KIAA1217: variants seen among roughly 807,000 people sequenced by gnomAD.
KIAA1217 encodes sickle tail protein homolog.
In KIAA1217, 88 loss-of-function variants were observed where a neutral mutation model predicts 163.9. The ratio of observed to expected loss-of-function variants is 0.54; its 90% CI spans 0.45 to 0.64. The LOEUF (loss-of-function observed/expected upper bound fraction) is 0.64, where lower values mean the gene tolerates loss of function less well. Ranked by LOEUF, KIAA1217 falls within the 30% of genes least tolerant of loss-of-function variation. KIAA1217 has a pLI of 0.00. For synonymous variants in KIAA1217, 903 were observed against 923.1 expected, an observed-to-expected ratio of 0.98 and a Z score of 0.39; for missense variants, 2,372 against 2,475.0, an observed-to-expected ratio of 0.96 and a Z score of 0.88.
chr10:23,698,997 C>T (rs1164603249), intron 1 of KIAA1217, among the ~76,000 whole-genome samples: 6 of 152,080 alleles, frequency 3.9e-5, no homozygotes, highest in Non-Finnish European at 7.4e-5. Flanking sequence ...AAGTGCTGGG[C>T]TTACAGGCAT....
chr10:24,072,517 T>C (rs539104006), intron 2 of KIAA1217, among the ~76,000 whole-genome samples: 11 of 152,306 alleles, frequency 7.2e-5, no homozygotes, highest in African/African-American at 1.9e-4. Flanking sequence ...ATTGTTTAGA[T>C]GTTTATACCC....
At chr10:23,942,129 A>G (rs1258910078) in intron 1 of KIAA1217, among the ~76,000 whole-genome samples, 3 of 152,228 alleles carry the variant, frequency 2.0e-5, no homozygotes, top group Non-Finnish European at 4.4e-5. Flanking sequence ...ATATAGTAAC[A>G]TGGAAATTGT....
At chr10:24,391,922 T>C (rs944995449) in intron 3 of KIAA1217, among the ~76,000 whole-genome samples, 5 of 152,142 alleles carry the variant, frequency 3.3e-5, no homozygotes, top group East Asian at 1.9e-4. Flanking sequence ...ATGCGAAAAA[T>C]ACTCTAATTC....
Position 24,082,726 on chromosome 10 carries a change from A to C in KIAA1217, c.-171+75352A>C, listed in dbSNP as rs188712554. On this transcript the variant is annotated intron_variant, in intron 2 of 18. Coordinates refer to the KIAA1217 transcript ENST00000376462. ...AACATATGTGTGCATGTATCTTTAT[A>C]ATAAGATGATTTATATTTCTTTGGG... Among the ~76,000 whole-genome samples the C allele has an allele frequency of 2.8e-3, 423 of 152,354 alleles. 3 individuals are homozygous for C. Among genetic ancestry groups the C allele is most frequent in the African/African-American group, 9.9e-3 (412 of 41,570 alleles).
chr10:24,029,616 T>C (rs2131533527), intron 2 of KIAA1217, among the ~76,000 whole-genome samples: 1 of 152,250 alleles, frequency 6.6e-6, no homozygotes, highest in Admixed American at 6.5e-5. Flanking sequence ...TTCTCCCCCA[T>C]TTTAAGAAGG....
chr10:23,963,237 G>A (rs1844894744), intron 1 of KIAA1217, among the ~76,000 whole-genome samples: 1 of 152,080 alleles, frequency 6.6e-6, no homozygotes, highest in Non-Finnish European at 1.5e-5. Flanking sequence ...TCTACATTAG[G>A]TATTTCTTCT....
chr10:24,348,338 A>AAAAATAATAT (rs2048049273), intron 2 of KIAA1217, among the ~76,000 whole-genome samples: 1 of 151,154 alleles, frequency 6.6e-6, no homozygotes, highest in African/African-American at 2.4e-5. Context: ...ACCCTGTCAC[A>AAAAATAATAT]AAAATAAAAT....
chr10:24,051,716 A>G (rs540387803), intron 2 of KIAA1217, among the ~76,000 whole-genome samples: 1 of 151,890 alleles, frequency 6.6e-6, no homozygotes, highest in Admixed American at 6.6e-5. Flanking sequence ...GATGTTGAAC[A>G]TTTTTCATGC....
intron 9 of KIAA1217, among the ~76,000 whole-genome samples, chr10:24,502,802 C>A (rs1173712338): frequency 6.6e-6 from 1 of 152,066 alleles, no homozygotes; most frequent in Non-Finnish European, 1.5e-5. Flanking sequence ...ACCAGCCTGG[C>A]CAATGTGGTG....
intron 1 of KIAA1217, among the ~76,000 whole-genome samples, chr10:23,715,266 G>T (rs1191607070): frequency 2.0e-5 from 3 of 152,160 alleles, no homozygotes; most frequent in African/African-American, 4.8e-5. Flanking sequence ...TTATTTGCAT[G>T]ATTACCTTTC....
At chr10:24,018,100 T>G (rs1847569645) in intron 2 of KIAA1217, among the ~76,000 whole-genome samples, 1 of 152,062 alleles carries the variant, frequency 6.6e-6, no homozygotes, top group Admixed American at 6.6e-5. Context: ...ATACAAATTC[T>G]TTCTGGAAGA....
In KIAA1217 at chr10:24,494,559, C is replaced by T. The variant is rs150149691; in HGVS notation, c.1739C>T (p.Ala580Val). Reference sequence around the variant, plus strand: ...AGTTTAACTGGCCTTGTTCAGTCTGCGCTTTTTAAAGGGCCCATTACAAGT... The same window carrying T: ...AGTTTAACTGGCCTTGTTCAGTCTGTGCTTTTTAAAGGGCCCATTACAAGT... ...IASLTGLVQS[A>V]LFKGPITSYS... The change falls in exon 7 of 21, where the codon GCG becomes GTG. Residue 580 changes from alanine (A) to valine (V), a missense_variant. By Grantham distance (64) the Ala-to-Val change is moderately conservative. Transcript: ENST00000376454. The T allele has an allele frequency of 8.1e-6, 13 of 1,613,890 alleles. No homozygotes were observed. The highest frequency in any genetic ancestry group is 6.7e-5 in the East Asian group (3 of 44,876).
At chr10:24,520,357 A>G in intron 11 of KIAA1217, 104 bp downstream of exon 11, 1 of 1,469,990 alleles carries the variant, frequency 6.8e-7, no homozygotes, top group Non-Finnish European at 9.3e-7. Flanking sequence ...GTATTTATTA[A>G]ACGTCTACAT....
chr10:24,444,727 T>G (rs188514777), intron 5 of KIAA1217, among the ~76,000 whole-genome samples: 1 of 152,334 alleles, frequency 6.6e-6, no homozygotes. Flanking sequence ...ATAGTTGTGC[T>G]TCTCCTGGTT....
intron 1 of KIAA1217, among the ~76,000 whole-genome samples, chr10:23,722,404 T>TA (rs943773157): frequency 1.4e-4 from 21 of 152,102 alleles, no homozygotes; most frequent in African/African-American, 4.3e-4. Context: ...ATTAAAAACT[T>TA]AAAAATAGAT....
chr10:23,833,099 T>G (rs867300245), intron 1 of KIAA1217, among the ~76,000 whole-genome samples: 1 of 152,124 alleles, frequency 6.6e-6, no homozygotes, highest in African/African-American at 2.4e-5. Context: ...TCTTAATATA[T>G]CAACCTTAGG....
intron 2 of KIAA1217, among the ~76,000 whole-genome samples, chr10:24,289,930 A>G (rs1402523573): frequency 6.6e-6 from 1 of 152,160 alleles, no homozygotes; most frequent in Non-Finnish European, 1.5e-5. Context: ...GAAAGAAGAT[A>G]CAGATGGTCA....
chr10:24,165,319 C>T (rs1412966199), intron 2 of KIAA1217, among the ~76,000 whole-genome samples: 2 of 152,206 alleles, frequency 1.3e-5, no homozygotes, highest in Admixed American at 6.5e-5. Context: ...CCTGACCTCT[C>T]ACCTCCAGGA....
intron 3 of KIAA1217, among the ~76,000 whole-genome samples, chr10:24,391,345 T>C (rs866759017): frequency 7.1e-6 from 1 of 141,366 alleles, no homozygotes; most frequent in South Asian, 2.4e-4. Flanking sequence ...TTTTTTTTTT[T>C]TTTTTTTTTT....
Sources: allele counts gnomAD v4.1 joint callset (sites outside exome capture counted in the v4.1 genomes callset), GRCh38; gene constraint gnomAD v4.1.1; transcripts MANE v1.5; gene names NCBI Gene and HGNC (gene_info 2026-07-23, HGNC 2026-07-21).